Variants in SLIT2 observed in about 807,000 individuals in gnomAD.
SLIT2 encodes slit homolog 2 protein.
In SLIT2, 41 loss-of-function variants were observed where a neutral mutation model predicts 185.7. The observed-to-expected ratio is 0.22, with a 90% confidence interval of 0.17 to 0.29. The LOEUF is 0.29. Ranked by LOEUF, SLIT2 falls within the 10% of genes least tolerant of loss-of-function variation. The pLI is 1.00. For synonymous variants in SLIT2, 693 were observed against 680.2 expected, an observed-to-expected ratio of 1.02 and a Z score of -0.29; for missense variants, 1,571 against 1,909.0, an observed-to-expected ratio of 0.82 and a Z score of 3.30.
intron 4 of SLIT2, among the ~76,000 whole-genome samples, chr4:20,340,271 C>T (rs932242955): frequency 2.0e-5 from 3 of 152,038 alleles, no homozygotes; most frequent in African/African-American, 7.2e-5. Context: ...AAGTGTTTCC[C>T]TTCTGTACTA....
intron 12 of SLIT2, among the ~76,000 whole-genome samples, chr4:20,522,661 C>T (rs1214848815): frequency 6.6e-6 from 1 of 151,556 alleles, no homozygotes; most frequent in Non-Finnish European, 1.5e-5. Flanking sequence ...ACTACAGTTC[C>T]ACAGAATATT....
At chr4:20,416,752 A>G (rs570968289) in intron 4 of SLIT2, among the ~76,000 whole-genome samples, 1 of 152,214 alleles carries the variant, frequency 6.6e-6, no homozygotes, top group Non-Finnish European at 1.5e-5. Context: ...AATGAGCTAA[A>G]TTGTTCTCAC....
At chr4:20,598,486 G>A (rs73252501) in intron 33 of SLIT2, 91 bp downstream of exon 33, 1 of 1,473,228 alleles carries the variant, frequency 6.8e-7, no homozygotes, top group Non-Finnish European at 9.4e-7. Context: ...AGAGGAGAGA[G>A]ACTAAGTTGG....
intron 4 of SLIT2, among the ~76,000 whole-genome samples, chr4:20,328,428 A>T (rs1719776287): frequency 6.6e-6 from 1 of 152,066 alleles, no homozygotes; most frequent in Non-Finnish European, 1.5e-5. Context: ...TGAATTTAAA[A>T]GGTGGAAAAG....
At chr4:20,472,198 T>A (rs1715111444) in intron 5 of SLIT2, among the ~76,000 whole-genome samples, 1 of 135,742 alleles carries the variant, frequency 7.4e-6, no homozygotes, top group Non-Finnish European at 1.6e-5. Flanking sequence ...TAGGAAAAAT[T>A]GCTTTAGAAA....
intron 4 of SLIT2, among the ~76,000 whole-genome samples, chr4:20,326,435 C>A (rs2109184280): frequency 6.6e-6 from 1 of 152,100 alleles, no homozygotes; most frequent in African/African-American, 2.4e-5. Context: ...CCTAAATTTT[C>A]TTAATTGTAC....
intron 4 of SLIT2, among the ~76,000 whole-genome samples, chr4:20,341,821 G>T (rs1720985945): frequency 6.6e-6 from 1 of 152,158 alleles, no homozygotes; most frequent in Non-Finnish European, 1.5e-5. Context: ...GTATGAAGTA[G>T]ATTTGTGTCT....
intron 21 of SLIT2, among the ~76,000 whole-genome samples, chr4:20,543,290 A>T (rs1560181324): frequency 6.6e-6 from 1 of 152,088 alleles, no homozygotes; most frequent in African/African-American, 2.4e-5. Context: ...TATGGCCAGG[A>T]TATACACATC....
chr4:20,343,111 T>G (rs758220093), intron 4 of SLIT2, among the ~76,000 whole-genome samples: 1 of 152,108 alleles, frequency 6.6e-6, no homozygotes, highest in East Asian at 1.9e-4. Flanking sequence ...CAGTACACTG[T>G]TGTTAGCTAC....
chr4:20,596,722 G>A (rs913884406), intron 32 of SLIT2, 67 bp downstream of exon 32: 3 of 1,487,696 alleles, frequency 2.0e-6, no homozygotes, highest in Admixed American at 3.7e-5. Context: ...ATAAACATTT[G>A]TGGTAGCTTC....
chr4:20,256,532 ATCCTC>A, intron 1 of SLIT2, 135 bp from the exon 2 acceptor site: 1 of 505,692 alleles, frequency 2.0e-6, no homozygotes, highest in Non-Finnish European at 3.5e-6. Flanking sequence ...TTTAAAGGTT[ATCCTC>A]TTCTCCTTCC....
intron 4 of SLIT2, among the ~76,000 whole-genome samples, chr4:20,300,291 G>T (rs916398807): frequency 3.9e-4 from 59 of 152,124 alleles, no homozygotes; most frequent in African/African-American, 1.3e-3. Context: ...TTGGTTCTGT[G>T]TTTTGTTCTC....
intron 4 of SLIT2, among the ~76,000 whole-genome samples, chr4:20,407,561 A>G (rs1726872047): frequency 6.6e-6 from 1 of 152,176 alleles, no homozygotes; most frequent in African/African-American, 2.4e-5. Flanking sequence ...TTTGTGAGGA[A>G]CTTGACTTTG....
At chr4:20,535,027 G>A (rs1346765220) in intron 18 of SLIT2, among the ~76,000 whole-genome samples, 2 of 152,030 alleles carry the variant, frequency 1.3e-5, no homozygotes, top group Admixed American at 1.3e-4. Flanking sequence ...AGGACTGGGC[G>A]CGGTGGCTCA....
chr4:20,534,735 G>A (rs1167906062), intron 18 of SLIT2, among the ~76,000 whole-genome samples: 5 of 152,116 alleles, frequency 3.3e-5, no homozygotes, highest in African/African-American at 7.2e-5. Context: ...GTGGGCTGAA[G>A]GCTGAGTCCA....
At chr4:20,424,513 ATT>A (rs1310052917) in intron 4 of SLIT2, among the ~76,000 whole-genome samples, 5 of 152,098 alleles carry the variant, frequency 3.3e-5, no homozygotes, top group Non-Finnish European at 7.4e-5. Flanking sequence ...TGTAGTAACC[ATT>A]TATTCACAGA....
At chr4:20,356,518 A>G (rs965134732) in intron 4 of SLIT2, among the ~76,000 whole-genome samples, 15 of 152,208 alleles carry the variant, frequency 9.9e-5, no homozygotes, top group Non-Finnish European at 1.9e-4. Flanking sequence ...TGCTTTATTC[A>G]CACAAATAGG....
chr4:20,372,958 G>A (rs1298638670), intron 4 of SLIT2, among the ~76,000 whole-genome samples: 3 of 152,050 alleles, frequency 2.0e-5, no homozygotes, highest in Non-Finnish European at 4.4e-5. Context: ...ATCATGTTGT[G>A]AGCATGTTTA....
In SLIT2 at chr4:20,260,475, A is replaced by G. The variant is rs140386603; in HGVS notation, c.323+2536A>G. Among the ~76,000 whole-genome samples the G allele has an allele frequency of 3.0e-3, 458 of 151,978 alleles. 1 individual carries two copies. Among genetic ancestry groups the G allele is most frequent in the African/African-American group, 0.01 (434 of 41,552 alleles). On this transcript the variant is annotated intron_variant, in intron 3 of 36. Transcript: ENST00000504154. ...ATGAAGAACAAAATAAAATAAAAAC[A>G]TTAATTTTATTCTTGTGTAATTTAT...
Sources: allele counts gnomAD v4.1 joint callset (sites outside exome capture counted in the v4.1 genomes callset), GRCh38; gene constraint gnomAD v4.1.1; transcripts MANE v1.5; gene names NCBI Gene and HGNC (gene_info 2026-07-23, HGNC 2026-07-21).